PPP1R1C: variants seen among roughly 807,000 people sequenced by gnomAD.
The protein encoded by PPP1R1C is protein phosphatase 1 regulatory subunit 1C.
Under a neutral mutation model 17.4 loss-of-function variants are expected in PPP1R1C, and 15 were observed. That is an observed-to-expected ratio of 0.86 (90% CI 0.58 to 1.33). PPP1R1C has a LOEUF of 1.33. Among genes scored for constraint, PPP1R1C ranks in the 40% most tolerant of loss-of-function variants. The probability of loss-of-function intolerance (pLI) is 0.00; values close to 1 mark genes in which losing one functional copy is unlikely to be tolerated. For synonymous variants in PPP1R1C, 35 were observed against 43.1 expected (o/e 0.81, Z 0.73); for missense variants, 143 against 130.0 (o/e 1.10, Z -0.48).
At chr2:182,048,055 T>A (rs1017228954) in intron 2 of PPP1R1C, among the ~76,000 whole-genome samples, 1 of 152,120 alleles carries the variant, frequency 6.6e-6, no homozygotes, top group African/African-American at 2.4e-5. Flanking sequence ...TATTAAGTAA[T>A]GAGGTTGTGT....
intron 1 of PPP1R1C, among the ~76,000 whole-genome samples, chr2:181,973,798 G>A (rs1185655902): frequency 6.6e-6 from 1 of 152,124 alleles, no homozygotes; most frequent in Non-Finnish European, 1.5e-5. Context: ...AGCATGTAAT[G>A]TATGGCCCCA....
intron 2 of PPP1R1C, among the ~76,000 whole-genome samples, chr2:182,044,219 G>A (rs1687274260): frequency 1.3e-5 from 2 of 152,026 alleles, no homozygotes; most frequent in African/African-American, 2.4e-5. Context: ...ATCTTTCTAC[G>A]AAAGAAATCT....
At chr2:181,983,219 T>C (rs927938149), upstream of PPP1R1C, among the ~76,000 whole-genome samples, 3 of 152,188 alleles carry the variant, frequency 2.0e-5, no homozygotes, top group African/African-American at 7.2e-5. Flanking sequence ...CATGATGCTG[T>C]TGTGATTAAA....
rs561786692 is a variant in PPP1R1C at position 181,971,306 on chromosome 2, T to A, written n.112-3913T>A. On this transcript the variant is annotated intron_variant and non_coding_transcript_variant, in intron 1 of 5. Coordinates refer to the PPP1R1C transcript ENST00000464264. ...CTTGGCAAATCCTGCCAGGACTGGG[T>A]CCATCCCTTCAAGGCAGCGAGTTTC... 3.9e-5 allele frequency among the ~76,000 whole-genome samples: 6 copies of A among 152,166 alleles called. 1 individual carries two copies. The highest frequency in any genetic ancestry group is 1.2e-4 in the African/African-American group (5 of 41,518).
At position 182,022,745 on chromosome 2, in the gene PPP1R1C, T is replaced by C. The variant is rs554295867; in HGVS notation, c.142+34846T>C. Reference sequence around the variant, plus strand: ...CTTGAGAGACCATTAGAAATCATCATGGCCAGGCTTCCATAATTAATGAGA... The same window carrying C: ...CTTGAGAGACCATTAGAAATCATCACGGCCAGGCTTCCATAATTAATGAGA... On this transcript the variant is annotated intron_variant, in intron 2 of 4. Coordinates refer to ENST00000682840, the MANE Select transcript of PPP1R1C (RefSeq NM_001080545.3). Among the ~76,000 whole-genome samples the C allele has an allele frequency of 2.0e-4, 31 of 152,326 alleles. No homozygotes were observed. In the East Asian group the frequency reaches 5.4e-3, roughly 26 times the overall value.
chr2:181,983,358 T>C (rs1685227296), upstream of PPP1R1C, among the ~76,000 whole-genome samples: 1 of 152,194 alleles, frequency 6.6e-6, no homozygotes, highest in South Asian at 2.1e-4. Context: ...AGGATAGCAA[T>C]AATATCTACC....
chr2:181,968,173 T>C (rs1684939580), intron 1 of PPP1R1C, among the ~76,000 whole-genome samples: 1 of 152,252 alleles, frequency 6.6e-6, no homozygotes, highest in African/African-American at 2.4e-5. Flanking sequence ...TATTCTTTAG[T>C]TGTTGGATGA....
At chr2:182,030,120 T>C (rs1433180650) in intron 2 of PPP1R1C, among the ~76,000 whole-genome samples, 1 of 145,102 alleles carries the variant, frequency 6.9e-6, no homozygotes, top group African/African-American at 2.6e-5. Flanking sequence ...TCTTCTAAAT[T>C]TTTTTCAAAG....
chr2:182,102,571 A>T (rs1201181738), intron 4 of PPP1R1C, among the ~76,000 whole-genome samples: 1 of 152,164 alleles, frequency 6.6e-6, no homozygotes, highest in Non-Finnish European at 1.5e-5. Context: ...AATTGAAATG[A>T]TTATAAATCA....
At chr2:182,001,082 T>C (rs1685752987) in intron 2 of PPP1R1C, among the ~76,000 whole-genome samples, 1 of 152,178 alleles carries the variant, frequency 6.6e-6, no homozygotes. Flanking sequence ...CATTGGATTA[T>C]TATGAGCTCC....
chr2:182,091,973 T>C (rs1688794636), intron 4 of PPP1R1C, among the ~76,000 whole-genome samples: 1 of 152,160 alleles, frequency 6.6e-6, no homozygotes. Flanking sequence ...TCAATAATTA[T>C]GTGTTAAATA....
chr2:181,987,911 T>A lies in PPP1R1C; in HGVS notation c.142+12T>A, dbSNP rs1261268839. 1.2e-6 allele frequency: 2 copies of A among 1,606,028 alleles called. No homozygotes were observed. Among genetic ancestry groups the A allele is most frequent in the Non-Finnish European group, 1.7e-6 (2 of 1,173,284 alleles). The stretch of plus-strand genomic sequence containing the variant: ...GCATAACCCCCCAGGTAAAGAAGCA[T>A]GATGTGTTTCACACTGATGGAACAG... On this transcript the variant is annotated intron_variant, in intron 2 of 4. Transcript: ENST00000682840.
chr2:182,121,581 G>A (rs963302564), downstream of PPP1R1C, among the ~76,000 whole-genome samples: 2 of 151,992 alleles, frequency 1.3e-5, no homozygotes, highest in African/African-American at 2.4e-5. Flanking sequence ...TCCACCTCCC[G>A]GGTTCAAGCG....
At chr2:182,080,127 G>T (rs1415777165) in intron 4 of PPP1R1C, among the ~76,000 whole-genome samples, 3 of 152,182 alleles carry the variant, frequency 2.0e-5, no homozygotes, top group Non-Finnish European at 4.4e-5. Flanking sequence ...AACAATGCCT[G>T]TTGCAGAAGT....
At chr2:182,031,429 T>G (rs575494697) in intron 2 of PPP1R1C, among the ~76,000 whole-genome samples, 1 of 152,362 alleles carries the variant, frequency 6.6e-6, no homozygotes, top group South Asian at 2.1e-4. Flanking sequence ...AACATTCGGA[T>G]AAAAATGTTT....
At chr2:182,038,534 G>A (rs1419910296) in intron 2 of PPP1R1C, among the ~76,000 whole-genome samples, 1 of 151,726 alleles carries the variant, frequency 6.6e-6, no homozygotes, top group African/African-American at 2.4e-5. Context: ...GCATTGAATG[G>A]CAGGATCAAA....
At chr2:181,960,728 G>A (rs879780956) in intron 1 of PPP1R1C, among the ~76,000 whole-genome samples, 3 of 152,196 alleles carry the variant, frequency 2.0e-5, no homozygotes, top group Admixed American at 2.0e-4. Context: ...ACTGTGTCAG[G>A]CAGTGGGGAC....
chr2:182,063,331 C>A (rs925154016), intron 3 of PPP1R1C, among the ~76,000 whole-genome samples: 4 of 152,118 alleles, frequency 2.6e-5, no homozygotes, highest in Admixed American at 2.0e-4. Context: ...CACTCAATAA[C>A]CCCACGAACA....
chr2:182,088,950 A>T (rs1338848670), intron 4 of PPP1R1C, among the ~76,000 whole-genome samples: 1 of 152,246 alleles, frequency 6.6e-6, no homozygotes, highest in Non-Finnish European at 1.5e-5. Context: ...CCCAATAGGA[A>T]CTAGAAACTC....
Sources: allele counts gnomAD v4.1 joint callset (sites outside exome capture counted in the v4.1 genomes callset), GRCh38; gene constraint gnomAD v4.1.1; transcripts MANE v1.5; gene names NCBI Gene and HGNC (gene_info 2026-07-23, HGNC 2026-07-21).